The following KIRREL3 variants were observed in gnomAD, a reference collection of about 807,000 sequenced individuals.
KIRREL3 encodes the protein kin of IRRE-like protein 3.
KIRREL3 carries 36 observed loss-of-function variants against 89.7 expected under a neutral mutation model. The ratio of observed to expected loss-of-function variants is 0.40; its 90% CI spans 0.31 to 0.53. KIRREL3 has a LOEUF of 0.53. Among genes scored for constraint, KIRREL3 ranks in the 20% least tolerant of loss-of-function variants. The pLI is 0.49. For synonymous variants in KIRREL3, 445 were observed against 441.4 expected (o/e 1.01, Z -0.10); for missense variants, 864 against 1,056.6 (o/e 0.82, Z 2.53).
chr11:126,507,563 C>T (rs529421897), intron 4 of KIRREL3, among the ~76,000 whole-genome samples: 4 of 152,214 alleles, frequency 2.6e-5, no homozygotes, highest in Admixed American at 6.5e-5. Flanking sequence ...CAATATGGTT[C>T]GCGGAGGTAG....
Position 126,501,293 on chromosome 11 carries a change from G to T in KIRREL3, c.433+20022C>A, listed in dbSNP as rs1244748151. Among the ~76,000 whole-genome samples the T allele has an allele frequency of 1.3e-5, 2 of 152,204 alleles. No individual in the cohort carries two copies. The highest frequency in any genetic ancestry group is 2.9e-5 in the Non-Finnish European group (2 of 68,040). ...CTCTGGCCCTAGCTTGAACGCCTCG[G>T]TTGTAGTTCTAAAGCCTATTCATTT... On this transcript the variant is annotated intron_variant, in intron 4 of 16. Transcript: ENST00000525144. This position sits in a 1 kb window ranked among gnomAD's most constrained non-coding sequence, Gnocchi z 5.8.
rs1200021057 is a variant in KIRREL3, at chr11:126,943,764, C to T, written c.55+56691G>A. On this transcript the variant is annotated intron_variant, in intron 1 of 16. Transcript: ENST00000525144. This position sits in a 1 kb window ranked among gnomAD's most constrained non-coding sequence, Gnocchi z 4.2. ...TAGTGAAAGGAAGGCTGCCACATTTCCCTATGCCCCCTGAGTTTTAGAGAT... is the reference window on the plus strand; with the variant it reads ...TAGTGAAAGGAAGGCTGCCACATTTTCCTATGCCCCCTGAGTTTTAGAGAT... Among the ~76,000 whole-genome samples, 1 of 152,178 alleles carries T rather than the reference C, an allele frequency of 6.6e-6. No homozygotes were observed.
At chr11:126,810,543 G>A (rs1341603014) in intron 1 of KIRREL3, among the ~76,000 whole-genome samples, 1 of 152,088 alleles carries the variant, frequency 6.6e-6, no homozygotes, top group Non-Finnish European at 1.5e-5. Flanking sequence ...AGGTTAAGTA[G>A]CTTGCAAACA....
intron 4 of KIRREL3, among the ~76,000 whole-genome samples, chr11:126,481,308 C>T (rs961386104): frequency 6.6e-6 from 1 of 152,186 alleles, no homozygotes; most frequent in Non-Finnish European, 1.5e-5. Flanking sequence ...CTGGTCTTCC[C>T]TAGTTAGCTC....
In KIRREL3 at chr11:126,615,591, T is replaced by C. The variant is rs1943309654; in HGVS notation, c.56-52679A>G. ...TTCAAGCTGAAGATAGACAACCACTTGGGGGACCTAGTTGTGCCATGGCAA... is the reference window on the plus strand; with the variant it reads ...TTCAAGCTGAAGATAGACAACCACTCGGGGGACCTAGTTGTGCCATGGCAA... On this transcript the variant is annotated intron_variant, in intron 1 of 16. Coordinates refer to ENST00000525144, the MANE Select transcript of KIRREL3 (RefSeq NM_032531.4). This position sits in a 1 kb window ranked among gnomAD's most constrained non-coding sequence, Gnocchi z 5.4. Among the ~76,000 whole-genome samples, 1 of 152,050 alleles carries C rather than the reference T, an allele frequency of 6.6e-6. No individual in the cohort carries two copies.
rs1280170021 is a variant in KIRREL3, at chr11:126,617,543, C to T, written c.56-54631G>A. ...AAATATATGCCCTCTAAATAGTTTT[C>T]TTCCTTGAATATTGCCAGCAAATCA... On this transcript the variant is annotated intron_variant, in intron 1 of 16. Coordinates refer to ENST00000525144, the MANE Select transcript of KIRREL3 (RefSeq NM_032531.4). 2.0e-5 allele frequency among the ~76,000 whole-genome samples: 3 copies of T among 152,216 alleles called. No individual in the cohort carries two copies. In the East Asian group the frequency reaches 5.8e-4, roughly 29 times the overall value.
At chr11:126,717,974 GT>G (rs1460360491) in intron 1 of KIRREL3, among the ~76,000 whole-genome samples, 1 of 152,180 alleles carries the variant, frequency 6.6e-6, no homozygotes, top group Non-Finnish European at 1.5e-5. Context: ...ATGCTAACCT[GT>G]TTTGACAGAA....
chr11:126,497,020 A>C (rs954317342), intron 4 of KIRREL3, among the ~76,000 whole-genome samples: 1 of 152,180 alleles, frequency 6.6e-6, no homozygotes, highest in Non-Finnish European at 1.5e-5. Context: ...AGTGGGGTCC[A>C]GTGCTTAGCC....
rs2134494940 is a variant in KIRREL3 at position 126,541,844 on chromosome 11, G to C, written c.134-15157C>G. On this transcript the variant is annotated intron_variant, in intron 2 of 16. Transcript: ENST00000525144. This position sits in a 1 kb window ranked among gnomAD's most constrained non-coding sequence, Gnocchi z 4.8. Reference sequence around the variant, plus strand: ...GATTAAGTGGCTGTCTCTCTCTCGGGGTGCGCATTGATGTTCCCACTGCAC... The same window carrying C: ...GATTAAGTGGCTGTCTCTCTCTCGGCGTGCGCATTGATGTTCCCACTGCAC... 6.6e-6 allele frequency among the ~76,000 whole-genome samples: 1 copy of C among 152,178 alleles called. No homozygotes were observed. The highest frequency in any genetic ancestry group is 6.5e-5 in the Admixed American group (1 of 15,274).
At chr11:126,820,193 A>G (rs1333777453) in intron 1 of KIRREL3, among the ~76,000 whole-genome samples, 1 of 152,154 alleles carries the variant, frequency 6.6e-6, no homozygotes, top group Non-Finnish European at 1.5e-5. Flanking sequence ...CAGCTAGCAC[A>G]TAGTTTAGAG....
intron 4 of KIRREL3, among the ~76,000 whole-genome samples, chr11:126,514,452 GCTT>G (rs1438423553): frequency 6.6e-6 from 1 of 152,138 alleles, no homozygotes; most frequent in Non-Finnish European, 1.5e-5. Flanking sequence ...ACATGGGAAA[GCTT>G]CTCTAGGAAG....
In KIRREL3 at chr11:126,796,249, A is replaced by G. The variant is rs937793395; in HGVS notation, c.55+204206T>C. Among the ~76,000 whole-genome samples, 12 of 151,852 alleles carry G rather than the reference A, an allele frequency of 7.9e-5. No individual in the cohort carries two copies. Among genetic ancestry groups the G allele is most frequent in the African/African-American group, 2.9e-4 (12 of 41,346 alleles). On this transcript the variant is annotated intron_variant, in intron 1 of 16. Coordinates refer to ENST00000525144, the MANE Select transcript of KIRREL3 (RefSeq NM_032531.4). The surrounding 1 kb of genome is among the most constrained non-coding windows in gnomAD (Gnocchi z 5.1). ...AGACTGATTCTATGTTAAAATGGTG[A>G]ACAAAAAAACCAAGGACTTGACCAG...
intron 1 of KIRREL3, among the ~76,000 whole-genome samples, chr11:126,986,023 A>G (rs1949856692): frequency 6.6e-6 from 1 of 152,118 alleles, no homozygotes; most frequent in South Asian, 2.1e-4. Flanking sequence ...TCTGGCCTGT[A>G]CAATCCACCA....
intron 1 of KIRREL3, among the ~76,000 whole-genome samples, chr11:126,882,520 C>T (rs1186965963): frequency 9.3e-6 from 1 of 107,238 alleles, no homozygotes; most frequent in Non-Finnish European, 1.8e-5. Flanking sequence ...AACGCTCTGG[C>T]TCCTGGTACA....
rs1464492290 is a variant in KIRREL3, at chr11:126,643,686, T to G, written c.56-80774A>C. On this transcript the variant is annotated intron_variant, in intron 1 of 16. Coordinates refer to ENST00000525144, the MANE Select transcript of KIRREL3 (RefSeq NM_032531.4). The surrounding 1 kb of genome is among the most constrained non-coding windows in gnomAD (Gnocchi z 4.5). ...GGCAACACAATGAGTAGGATTGTAC[T>G]GAAGATGAATTGGAGATAGGGAGAG... Among the ~76,000 whole-genome samples the G allele has an allele frequency of 6.6e-6, 1 of 152,204 alleles. No homozygotes were observed. Among genetic ancestry groups the G allele is most frequent in the Non-Finnish European group, 1.5e-5 (1 of 68,042 alleles).
chr11:126,806,025 CAA>C (rs1360312567), intron 1 of KIRREL3, among the ~76,000 whole-genome samples: 4 of 152,192 alleles, frequency 2.6e-5, no homozygotes, highest in Non-Finnish European at 2.9e-5. Context: ...TGTCACCTGT[CAA>C]ATTAAATGCC....
chr11:126,875,066 A>G (rs904198559), intron 1 of KIRREL3, among the ~76,000 whole-genome samples: 1 of 152,166 alleles, frequency 6.6e-6, no homozygotes, highest in Non-Finnish European at 1.5e-5. Context: ...CTGGGCCCCA[A>G]TCCATTACCC....
chr11:126,816,454 T>G lies in KIRREL3; in HGVS notation c.55+184001A>C, dbSNP rs1951576904. The stretch of plus-strand genomic sequence containing the variant: ...TTTAGGAGTGGGCTGATGGCAGGTT[T>G]GATCTCTCTGTGCTTGGATTCACTG... On this transcript the variant is annotated intron_variant, in intron 1 of 16. Coordinates refer to ENST00000525144, the MANE Select transcript of KIRREL3 (RefSeq NM_032531.4). Among the ~76,000 whole-genome samples the G allele has an allele frequency of 2.6e-5, 4 of 152,222 alleles. No homozygotes were observed. The South Asian group carries it at 8.3e-4, about 31-fold the overall frequency.
chr11:126,508,623 C>A lies in KIRREL3; in HGVS notation c.433+12692G>T, dbSNP rs1958102801. 6.6e-6 allele frequency among the ~76,000 whole-genome samples: 1 copy of A among 152,044 alleles called. No homozygotes were observed. The highest frequency in any genetic ancestry group is 1.5e-5 in the Non-Finnish European group (1 of 68,010). On this transcript the variant is annotated intron_variant, in intron 4 of 16. Transcript: ENST00000525144. The surrounding 1 kb of genome is among the most constrained non-coding windows in gnomAD (Gnocchi z 4.9). ...AGTGATGATTTTAGGGGGAGTCAGG[C>A]AGCAGAGAGAGTGGAGTTTGGAAAA...
Sources: allele counts gnomAD v4.1 joint callset (sites outside exome capture counted in the v4.1 genomes callset), GRCh38; gene constraint gnomAD v4.1.1; non-coding constraint Gnocchi (gnomAD v3.1); transcripts MANE v1.5; gene names NCBI Gene and HGNC (gene_info 2026-07-23, HGNC 2026-07-21).